OSBPL10: variants seen among roughly 807,000 people sequenced by gnomAD.
OSBPL10 encodes the protein oxysterol-binding protein-related protein 10.
Under a neutral mutation model 81.7 loss-of-function variants are expected in OSBPL10, and 49 were observed. The ratio of observed to expected loss-of-function variants is 0.60; its 90% CI spans 0.48 to 0.76. OSBPL10 has a LOEUF of 0.76. Among genes scored for constraint, OSBPL10 ranks in the 30% least tolerant of loss-of-function variants. The pLI is 0.00. For missense variants in OSBPL10, 923 were observed against 987.8 expected (o/e 0.93, Z 0.88); for synonymous variants, 419 against 383.6 (o/e 1.09, Z -1.08).
chr3:32,072,046 C>G lies in OSBPL10; in HGVS notation n.185+5350G>C, dbSNP rs185839254. Among the ~76,000 whole-genome samples the G allele has an allele frequency of 2.7e-3, 407 of 152,280 alleles. 3 individuals are homozygous for G. The highest frequency in any genetic ancestry group is 9.2e-3 in the African/African-American group (383 of 41,554). The stretch of plus-strand genomic sequence containing the variant: ...ACCACTCTGCCCCCCTCTACTACCT[C>G]TCAGCAAGCCGAACTCATTGCCTTC... On this transcript the variant is annotated intron_variant and non_coding_transcript_variant, in intron 1 of 3. Coordinates refer to the OSBPL10 transcript ENST00000479173.
chr3:31,980,760 C>G (rs1698812534), intron 1 of OSBPL10, 139 bp downstream of exon 1: 1 of 1,150,376 alleles, frequency 8.7e-7, no homozygotes, highest in African/African-American at 1.6e-5. Flanking sequence ...AGGAAGGGCA[C>G]CGTTGGGAGG....
At chr3:31,932,415 A>T (rs980515528) in intron 1 of OSBPL10, among the ~76,000 whole-genome samples, 2 of 152,200 alleles carry the variant, frequency 1.3e-5, no homozygotes, top group Non-Finnish European at 2.9e-5. Context: ...AAGTACCTTG[A>T]TGCTGCTTGT....
upstream of OSBPL10, chr3:31,986,208 CA>C (rs1167774804): frequency 6.6e-6 from 1 of 152,158 alleles, no homozygotes; most frequent in Non-Finnish European, 1.5e-5. Context: ...GGCCTGAACA[CA>C]ATCATACTCA....
chr3:31,940,460 G>A (rs1214806993), intron 1 of OSBPL10, among the ~76,000 whole-genome samples: 1 of 152,198 alleles, frequency 6.6e-6, no homozygotes. Context: ...TGGGCTGGTG[G>A]AGATGTCCTA....
At chr3:31,997,408 G>T (rs1446942996) in intron 2 of OSBPL10, among the ~76,000 whole-genome samples, 1 of 151,616 alleles carries the variant, frequency 6.6e-6, no homozygotes, top group Non-Finnish European at 1.5e-5. Context: ...GGGATTACAA[G>T]CACGAGCCAC....
intron 1 of OSBPL10, among the ~76,000 whole-genome samples, chr3:31,972,463 G>T (rs1057399359): frequency 1.3e-5 from 2 of 149,876 alleles, no homozygotes; most frequent in East Asian, 3.9e-4. Context: ...CAGCTGCAGC[G>T]GTGGTTTTCA....
intron 2 of OSBPL10, among the ~76,000 whole-genome samples, chr3:32,007,684 A>C (rs987514218): frequency 6.6e-6 from 1 of 152,066 alleles, no homozygotes; most frequent in African/African-American, 2.4e-5. Flanking sequence ...TCAATCATAC[A>C]GGATGATCTC....
intron 7 of OSBPL10, among the ~76,000 whole-genome samples, chr3:31,687,727 C>A (rs1282287157): frequency 6.6e-6 from 1 of 151,974 alleles, no homozygotes; most frequent in Non-Finnish European, 1.5e-5. Flanking sequence ...TCTCAGTGGA[C>A]AAGGGAGACA....
intron 7 of OSBPL10, among the ~76,000 whole-genome samples, chr3:31,684,948 ACT>A (rs1700754351): frequency 6.6e-6 from 1 of 152,064 alleles, no homozygotes; most frequent in African/African-American, 2.4e-5. Flanking sequence ...GGCCCGGATA[ACT>A]CTGGTAGAGA....
chr3:31,893,457 G>A lies in OSBPL10; in HGVS notation c.282-13627C>T, dbSNP rs142039892. ...GAAACTGGAACCTTTCCACACTCTTGGTAGGAATGTGAAATAGAACATCTG... is the reference window on the plus strand; with the variant it reads ...GAAACTGGAACCTTTCCACACTCTTAGTAGGAATGTGAAATAGAACATCTG... On this transcript the variant is annotated intron_variant, in intron 1 of 11. Transcript: ENST00000396556. Among the ~76,000 whole-genome samples, 948 of 152,168 alleles carry A rather than the reference G, an allele frequency of 6.2e-3. 8 individuals are homozygous for A. The highest frequency in any genetic ancestry group is 0.022 in the African/African-American group (914 of 41,508).
intron 1 of OSBPL10, among the ~76,000 whole-genome samples, chr3:31,921,731 G>T (rs912914498): frequency 6.6e-6 from 1 of 152,144 alleles, no homozygotes; most frequent in African/African-American, 2.4e-5. Context: ...TTAAACACTA[G>T]GTTGAGCATA....
At chr3:31,933,794 G>T (rs1697312711) in intron 1 of OSBPL10, among the ~76,000 whole-genome samples, 1 of 151,690 alleles carries the variant, frequency 6.6e-6, no homozygotes, top group Non-Finnish European at 1.5e-5. Context: ...GCAATCAAGG[G>T]GTATTCAAAT....
At chr3:31,810,161 G>A (rs146884081) in intron 4 of OSBPL10, among the ~76,000 whole-genome samples, 2,168 of 151,928 alleles carry the variant, frequency 0.014, 17 homozygotes, top group Non-Finnish European at 0.023. Flanking sequence ...ATGAGCCACC[G>A]CACCTCGCCC....
chr3:31,678,739 T>C (rs1700552012), intron 8 of OSBPL10, among the ~76,000 whole-genome samples: 2 of 149,822 alleles, frequency 1.3e-5, no homozygotes, highest in Admixed American at 1.3e-4. Flanking sequence ...ACAAAAGGCA[T>C]TCTATTCACC....
At chr3:31,833,216 C>G (rs1700287950) in intron 3 of OSBPL10, among the ~76,000 whole-genome samples, 1 of 152,232 alleles carries the variant, frequency 6.6e-6, no homozygotes, top group Admixed American at 6.5e-5. Context: ...CAGGAAAAGG[C>G]AGATTTTTCC....
At chr3:31,705,373 C>G (rs1213448578) in intron 6 of OSBPL10, among the ~76,000 whole-genome samples, 2 of 8,862 alleles carry the variant, frequency 2.3e-4, no homozygotes, top group Non-Finnish European at 4.6e-4. Flanking sequence ...AAAGAGAAGA[C>G]CCCCCCCCCC....
intron 6 of OSBPL10, chr3:31,718,615 GAAC>G (rs938157304): frequency 1.3e-5 from 2 of 152,164 alleles, no homozygotes; most frequent in Admixed American, 6.5e-5. Context: ...AAAAGTTTCA[GAAC>G]AACTGAGAGT....
chr3:31,823,282 G>A (rs1700023138), intron 4 of OSBPL10, among the ~76,000 whole-genome samples: 1 of 152,220 alleles, frequency 6.6e-6, no homozygotes, highest in Non-Finnish European at 1.5e-5. Context: ...TAGAGAACGA[G>A]TCCTTAATTC....
chr3:31,979,633 A>C (rs1168879466), intron 1 of OSBPL10, among the ~76,000 whole-genome samples: 1 of 152,154 alleles, frequency 6.6e-6, no homozygotes, highest in Non-Finnish European at 1.5e-5. Flanking sequence ...ATATCCCACC[A>C]ACCACCTCTC....
Sources: allele counts gnomAD v4.1 joint callset (sites outside exome capture counted in the v4.1 genomes callset), GRCh38; gene constraint gnomAD v4.1.1; transcripts MANE v1.5; gene names NCBI Gene and HGNC (gene_info 2026-07-23, HGNC 2026-07-21).